Variants in NTRK3 observed in about 807,000 individuals in gnomAD.
NTRK3 encodes neurotrophic receptor tyrosine kinase 3, also known as NT-3 growth factor receptor.
In NTRK3, 24 loss-of-function variants were observed where a neutral mutation model predicts 91.7. That is an observed-to-expected ratio of 0.26 (90% CI 0.19 to 0.37). The LOEUF is 0.37. Ranked by LOEUF, NTRK3 falls within the 10% of genes least tolerant of loss-of-function variation. The probability of loss-of-function intolerance (pLI) is 1.00; values close to 1 mark genes in which losing one functional copy is unlikely to be tolerated. For missense variants in NTRK3, 880 were observed against 1,068.9 expected (o/e 0.82, Z 2.46); for synonymous variants, 483 against 404.0 (o/e 1.20, Z -2.34).
At chr15:87,890,056 G>A (rs1358678170) in intron 17 of NTRK3, among the ~76,000 whole-genome samples, 1 of 151,506 alleles carries the variant, frequency 6.6e-6, no homozygotes, top group Non-Finnish European at 1.5e-5. Flanking sequence ...TATCCCCATG[G>A]GTTATTTCAC....
chr15:88,032,679 G>A (rs910190989), intron 14 of NTRK3, among the ~76,000 whole-genome samples, 178 bp downstream of exon 14: 4 of 152,042 alleles, frequency 2.6e-5, no homozygotes, highest in African/African-American at 2.4e-5. Context: ...CTCTGGTCCC[G>A]GGGACTCCTG....
At chr15:87,871,588 A>G in exon 19 of NTRK3, 1 of 230,180 alleles carries the variant, frequency 4.3e-6, no homozygotes, top group East Asian at 6.2e-5. Flanking sequence ...AGATGCTCAG[A>G]ATGTTAGTCA....
At chr15:88,027,469 G>A (rs554963375) in intron 14 of NTRK3, among the ~76,000 whole-genome samples, 39 of 152,216 alleles carry the variant, frequency 2.6e-4, no homozygotes, top group Middle Eastern at 3.4e-3. Context: ...TGCAAGCTCC[G>A]CCTCTCGGGT....
intron 14 of NTRK3, among the ~76,000 whole-genome samples, chr15:87,984,765 G>C (rs185823725): frequency 1.3e-5 from 2 of 152,068 alleles, no homozygotes; most frequent in Admixed American, 6.6e-5. Flanking sequence ...TTGAAAGTCC[G>C]AGAGTTCTGG....
At chr15:88,221,185 CAT>C (rs1006926537) in intron 3 of NTRK3, among the ~76,000 whole-genome samples, 7 of 152,116 alleles carry the variant, frequency 4.6e-5, no homozygotes, top group African/African-American at 1.7e-4. Context: ...AAACTGAAAA[CAT>C]ATAAAGAAAA....
intron 14 of NTRK3, among the ~76,000 whole-genome samples, chr15:87,942,930 C>T (rs1463667581): frequency 6.6e-6 from 1 of 152,142 alleles, no homozygotes; most frequent in Admixed American, 6.6e-5. Context: ...CTGAGCTGGG[C>T]ATGGGATTCA....
At chr15:88,184,679 CT>C (rs1158458130) in intron 3 of NTRK3, among the ~76,000 whole-genome samples, 7 of 152,126 alleles carry the variant, frequency 4.6e-5, no homozygotes, top group Admixed American at 3.3e-4. Flanking sequence ...AAGGACTGGC[CT>C]TTTTTTTCCC....
intron 3 of NTRK3, among the ~76,000 whole-genome samples, chr15:88,236,783 A>C (rs4887396): frequency 0.74 from 105,992 of 142,782 alleles, 39,346 homozygotes; most frequent in East Asian, 0.86. Flanking sequence ...AAAAAAAAAA[A>C]AAAAAACACT....
chr15:88,153,951 T>C (rs1488138203), intron 5 of NTRK3, among the ~76,000 whole-genome samples: 2 of 152,030 alleles, frequency 1.3e-5, no homozygotes, highest in African/African-American at 4.8e-5. Flanking sequence ...GCAATCATCT[T>C]GGAGACCATC....
At chr15:88,075,198 G>C (rs1305361325) in intron 13 of NTRK3, among the ~76,000 whole-genome samples, 7 of 152,158 alleles carry the variant, frequency 4.6e-5, no homozygotes, top group Non-Finnish European at 1.5e-5. Flanking sequence ...CCATGAACTT[G>C]ACCACCCTGG....
chr15:87,995,519 A>T (rs746558002), intron 14 of NTRK3, among the ~76,000 whole-genome samples: 9 of 152,206 alleles, frequency 5.9e-5, no homozygotes, highest in Non-Finnish European at 8.8e-5. Context: ...ACACTTGGGG[A>T]AGTGCAAGGA....
At chr15:87,892,542 C>T (rs1176381158) in intron 17 of NTRK3, among the ~76,000 whole-genome samples, 1 of 152,090 alleles carries the variant, frequency 6.6e-6, no homozygotes, top group African/African-American at 2.4e-5. Flanking sequence ...TAATATTTTA[C>T]ATTTTATCTT....
intron 14 of NTRK3, among the ~76,000 whole-genome samples, chr15:88,000,285 C>G (rs1168728257): frequency 6.6e-6 from 1 of 152,198 alleles, no homozygotes; most frequent in Non-Finnish European, 1.5e-5. Flanking sequence ...CATGCTGGCC[C>G]CAGCCCCCTC....
intron 17 of NTRK3, among the ~76,000 whole-genome samples, chr15:87,901,764 AG>A (rs1054017676): frequency 1.4e-4 from 17 of 124,470 alleles, no homozygotes; most frequent in African/African-American, 4.3e-4. Context: ...AAAGTTGGGG[AG>A]GGGGGGAGAG....
rs1424573604 is a variant in NTRK3, at chr15:88,241,664, A to G, written c.248+14242T>C. On this transcript the variant is annotated intron_variant, in intron 3 of 18. Transcript: ENST00000394480. The surrounding 1 kb of genome is among the most constrained non-coding windows in gnomAD (Gnocchi z 4.3). ...GGAGCAGGAAGCGGGGCTACCCTTC[A>G]ATACCACGTGGAGCTACTCTCTTCA... Among the ~76,000 whole-genome samples, 2 of 152,064 alleles carry G rather than the reference A, an allele frequency of 1.3e-5. No individual in the cohort carries two copies. The highest frequency in any genetic ancestry group is 2.9e-5 in the Non-Finnish European group (2 of 67,980).
intron 5 of NTRK3, among the ~76,000 whole-genome samples, chr15:88,153,687 G>T (rs1332606222): frequency 6.6e-6 from 1 of 152,092 alleles, no homozygotes; most frequent in African/African-American, 2.4e-5. Flanking sequence ...GAGGTTAAGA[G>T]GTCCAAGATC....
At chr15:88,193,546 C>T (rs764651207) in intron 3 of NTRK3, among the ~76,000 whole-genome samples, 9 of 152,180 alleles carry the variant, frequency 5.9e-5, no homozygotes, top group Non-Finnish European at 1.0e-4. Flanking sequence ...ATGGCCTTCA[C>T]CAAAGCATGA....
chr15:87,908,656 G>A (rs906434506), intron 17 of NTRK3: 30 of 398,448 alleles, frequency 7.5e-5, no homozygotes, highest in Non-Finnish European at 2.2e-5. Context: ...GAAAGGAGGA[G>A]CATGAGGAAA....
chr15:88,037,016 C>T (rs2079133925), intron 13 of NTRK3, among the ~76,000 whole-genome samples: 1 of 152,208 alleles, frequency 6.6e-6, no homozygotes, highest in Non-Finnish European at 1.5e-5. Flanking sequence ...ACAGTCTCCA[C>T]CTTCTCTACC....
Sources: gnomAD v4.1 joint callset for allele counts (sites outside exome capture counted in the v4.1 genomes callset) on GRCh38, gnomAD v4.1.1 for gene constraint, Gnocchi (gnomAD v3.1) non-coding constraint, MANE v1.5 for transcripts, NCBI Gene and HGNC (gene_info 2026-07-23, HGNC 2026-07-21) for gene names.